Variants in ZSWIM4 observed in about 807,000 individuals in gnomAD.
ZSWIM4 encodes zinc finger SWIM-type containing 4.
Under a neutral mutation model 102.5 loss-of-function variants are expected in ZSWIM4, and 62 were observed. The ratio of observed to expected loss-of-function variants is 0.60; its 90% CI spans 0.49 to 0.75. The LOEUF (loss-of-function observed/expected upper bound fraction) is 0.75. Ranked by LOEUF, ZSWIM4 falls within the 30% of genes least tolerant of loss-of-function variation. The pLI is 0.00. For synonymous variants in ZSWIM4, 652 were observed against 674.5 expected (o/e 0.97, Z 0.52); for missense variants, 1,280 against 1,529.6 (o/e 0.84, Z 2.72).
Position 13,808,928 on chromosome 19 carries a change from C to G in ZSWIM4, c.805C>G (p.Leu269Val). 6.2e-7 allele frequency: 1 copy of G among 1,611,534 alleles called. No individual in the cohort carries two copies. The highest frequency in any genetic ancestry group is 8.5e-7 in the Non-Finnish European group (1 of 1,179,056). The change falls in exon 4 of 14, where the codon CTG becomes GTG. Residue 269 changes from leucine (L) to valine (V), a missense_variant. Physicochemically the swap from Leu to Val is conservative, Grantham distance 32. Transcript: ENST00000590508. ...EQIQEQVKQL[L>V]SNGGYYGASQ... ...GATCCAGGAGCAGGTGAAGCAGCTACTGTCCAATGGCGGCTACTACGGGGC... is the reference window on the plus strand; with the variant it reads ...GATCCAGGAGCAGGTGAAGCAGCTAGTGTCCAATGGCGGCTACTACGGGGC...
At chr19:13,795,912 C>T in intron 1 of ZSWIM4, 111 bp downstream of exon 1, 4 of 669,854 alleles carry the variant, frequency 6.0e-6, no homozygotes, top group South Asian at 1.5e-4. Flanking sequence ...ATCAGAGACA[C>T]CCCCTGAGAT....
chr19:13,820,338 C>G (rs760987790), intron 10 of ZSWIM4, among the ~76,000 whole-genome samples: 18 of 152,070 alleles, frequency 1.2e-4, no homozygotes, highest in Non-Finnish European at 2.1e-4. Context: ...CAGGCTCAAG[C>G]GATCCTCCCA....
chr19:13,827,604 A>AG (rs980876178), intron 12 of ZSWIM4, among the ~76,000 whole-genome samples: 25 of 142,576 alleles, frequency 1.8e-4, no homozygotes, highest in Admixed American at 1.0e-3. Context: ...AAAAAAAAAA[A>AG]AAAGAAAAGA....
At chr19:13,821,722 A>AT (rs1352056602) in intron 10 of ZSWIM4, among the ~76,000 whole-genome samples, 42 of 136,502 alleles carry the variant, frequency 3.1e-4, no homozygotes, top group African/African-American at 1.2e-3. Context: ...GCTAGTTTTA[A>AT]ATTTTTTTTT....
At chr19:13,814,188 C>G (rs1276845654) in intron 6 of ZSWIM4, among the ~76,000 whole-genome samples, 1 of 151,588 alleles carries the variant, frequency 6.6e-6, no homozygotes, top group Non-Finnish European at 1.5e-5. Flanking sequence ...TCCCAAGTAG[C>G]TGGGATTACA....
intron 2 of ZSWIM4, among the ~76,000 whole-genome samples, chr19:13,802,505 G>A (rs946863215): frequency 1.3e-5 from 2 of 151,598 alleles, no homozygotes; most frequent in Non-Finnish European, 2.9e-5. Context: ...AGTTGAACCC[G>A]GGAGGCAGAG....
chr19:13,831,564 G>A lies in ZSWIM4; in HGVS notation c.*514G>A, dbSNP rs1975768534. ...TCACCCCCACTGAAGGAATTGAAGA[G>A]GCCTCAGGCCTCAGCCTCATACCTC... On this transcript the variant is annotated 3_prime_UTR_variant, in exon 14 of 14. Coordinates refer to ENST00000590508, the MANE Select transcript of ZSWIM4 (RefSeq NM_001367834.3). The A allele has an allele frequency of 6.6e-6, 1 of 151,588 alleles. No homozygotes were observed. Among genetic ancestry groups the A allele is most frequent in the Non-Finnish European group, 1.5e-5 (1 of 68,714 alleles). The allele number at this position is 151,588 out of a possible 1,614,324, so 9.4% of individuals were successfully genotyped here. A position where few individuals can be genotyped will look rare whatever the true frequency, so the allele number is the denominator to read the frequency against.
At chr19:13,799,653 C>T (rs1974702405) in intron 1 of ZSWIM4, 67 bp from the exon 2 acceptor site, 2 of 1,519,244 alleles carry the variant, frequency 1.3e-6, no homozygotes, top group Admixed American at 1.7e-5. Flanking sequence ...GATCCTCCCT[C>T]CTAAGCTTCC....
rs1555711691 is a variant in ZSWIM4 at position 13,801,161 on chromosome 19, A to AAAAT, written c.355+1243_355+1244insTAAA. 6.0e-3 allele frequency among the ~76,000 whole-genome samples: 907 copies of AAAAT among 151,656 alleles called. 11 individuals are homozygous for AAAAT. Among genetic ancestry groups the AAAAT allele is most frequent in the African/African-American group, 0.021 (845 of 41,200 alleles). On this transcript the variant is annotated intron_variant, in intron 2 of 13. Coordinates refer to ENST00000590508, the MANE Select transcript of ZSWIM4 (RefSeq NM_001367834.3). ...CTATCTCAAAGAGAAAAAAGAAAAAAAAAAAGGAAGAGAGGTGAGGGCCAC... is the reference window on the plus strand; with the variant it reads ...CTATCTCAAAGAGAAAAAAGAAAAAAAAATAAAAAGGAAGAGAGGTGAGGGCCAC...
intron 9 of ZSWIM4, 97 bp downstream of exon 9, chr19:13,818,073 C>CCAGCCCCGCCCCTAGCCCCGCCT: frequency 2.1e-6 from 3 of 1,417,820 alleles, no homozygotes; most frequent in Admixed American, 6.0e-5. Context: ...AGGCCCCGCC[C>CCAGCCCCGCCCCTAGCCCCGCCT]CAGCCCCGCC....
In ZSWIM4 at chr19:13,830,600, C is replaced by T; in HGVS notation, c.2871C>T (p.Ser957=). Residue 957 remains serine, a synonymous_variant, in exon 14 of 14, where the codon AGC becomes AGT. Transcript: ENST00000590508. ...TCAGCATCGCCTTCAACCAGGACAG[C>T]CACCCTGCCGTCAACGACGTGCTTT... ...AQLSIAFNQD[S]HPAVNDVLWA... is the part of the protein sequence containing the mutation. 1 of 1,599,922 alleles carries T rather than the reference C, an allele frequency of 6.3e-7. No homozygotes were observed. Among genetic ancestry groups the T allele is most frequent in the Non-Finnish European group, 8.5e-7 (1 of 1,179,748 alleles).
At chr19:13,802,479 C>G (rs1974800270) in intron 2 of ZSWIM4, among the ~76,000 whole-genome samples, 1 of 151,488 alleles carries the variant, frequency 6.6e-6, no homozygotes, top group Non-Finnish European at 1.5e-5. Context: ...ACTTGAGAGG[C>G]TGAGGCAGGA....
intron 3 of ZSWIM4, among the ~76,000 whole-genome samples, chr19:13,807,448 G>A (rs962003154): frequency 6.6e-6 from 1 of 152,074 alleles, no homozygotes; most frequent in Admixed American, 6.6e-5. Flanking sequence ...TGGGTAAATG[G>A]ATGAGTGGAT....
At chr19:13,812,858 G>A (rs759137592) in intron 5 of ZSWIM4, 139 bp from the exon 6 acceptor site, 45 of 855,314 alleles carry the variant, frequency 5.3e-5, no homozygotes, top group Middle Eastern at 3.6e-4. Context: ...TCTGTAAGGT[G>A]CAAAGGCTGC....
chr19:13,826,596 C>T (rs1568345697), intron 12 of ZSWIM4, among the ~76,000 whole-genome samples: 1 of 152,014 alleles, frequency 6.6e-6, no homozygotes, highest in Non-Finnish European at 1.5e-5. Context: ...GAAACTCCGT[C>T]TCTACTAAAA....
intron 6 of ZSWIM4, among the ~76,000 whole-genome samples, chr19:13,813,789 C>G (rs965011695): frequency 6.6e-6 from 1 of 151,322 alleles, no homozygotes; most frequent in South Asian, 2.1e-4. Flanking sequence ...GGTGTTGTGA[C>G]GCACACCTGG....
At chr19:13,810,867 C>T (rs577866347) in intron 5 of ZSWIM4, among the ~76,000 whole-genome samples, 101 of 150,530 alleles carry the variant, frequency 6.7e-4, no homozygotes, top group African/African-American at 2.4e-3. Context: ...GCCTCGGCTT[C>T]CCAAAGGGTT....
chr19:13,817,968 TG>T lies in ZSWIM4; in HGVS notation c.1917del (p.Leu640TrpfsTer47). On this transcript the variant is annotated frameshift_variant, in exon 9 of 14. Transcript: ENST00000590508. LOFTEE classifies it high-confidence loss of function. Reference sequence around the variant, plus strand: ...GTGCTGCGCAAGCAGGCGGGGCTGCTGCTGGAAGGTGAGGCCGCGCCCCTAG... The same window carrying T: ...GTGCTGCGCAAGCAGGCGGGGCTGCTCTGGAAGGTGAGGCCGCGCCCCTAG... ...VQVLRKQAGLLLEGGPFSGFG... is the reference protein window; with the variant it reads ...VQVLRKQAGLXLEGGPFSGFG... 6.6e-7 allele frequency: 1 copy of T among 1,508,288 alleles called. No individual in the cohort carries two copies. Among genetic ancestry groups the T allele is most frequent in the Non-Finnish European group, 8.9e-7 (1 of 1,124,140 alleles). 93.4% of individuals were successfully genotyped at this position (1,508,288 alleles called of 1,614,324 possible). A position where few individuals can be genotyped will look rare whatever the true frequency, so the allele number is the denominator to read the frequency against.
At position 13,830,688 on chromosome 19, in the gene ZSWIM4, A is replaced by G. The variant is rs376511239; in HGVS notation, c.2959A>G (p.Ile987Val). The G allele has an allele frequency of 3.7e-6, 6 of 1,606,184 alleles. No homozygotes were observed. In the African/African-American group the frequency reaches 5.3e-5, roughly 14 times the overall value. ...HELSAIVPLIIRSIHCAPMLS... is the reference protein window; with the variant it reads ...HELSAIVPLIVRSIHCAPMLS... ...GCTCTCTGCCATCGTCCCCCTCATC[A>G]TTCGCAGCATCCACTGTGCCCCAAT... Residue 987 changes from isoleucine (I) to valine (V), a missense_variant, in exon 14 of 14, where the codon ATT becomes GTT. Transcript: ENST00000590508.
Sources: gnomAD v4.1 joint callset for allele counts (sites outside exome capture counted in the v4.1 genomes callset) on GRCh38, gnomAD v4.1.1 for gene constraint, MANE v1.5 for transcripts, NCBI Gene and HGNC (gene_info 2026-07-23, HGNC 2026-07-21) for gene names.